PARD3B: variants seen among roughly 807,000 people sequenced by gnomAD.
PARD3B encodes the protein par-3 family cell polarity regulator beta, also known as partitioning defective 3 homolog B.
PARD3B carries 103 observed loss-of-function variants against 130.2 expected under a neutral mutation model. The observed-to-expected ratio is 0.79, with a 90% CI of 0.67 to 0.93. PARD3B has a LOEUF of 0.93. Among genes scored for constraint, PARD3B ranks in the 40% least tolerant of loss-of-function variants. PARD3B has a pLI of 0.00. For missense variants in PARD3B, 1,609 were observed against 1,499.2 expected (o/e 1.07, Z -1.21); for synonymous variants, 583 against 553.2 (o/e 1.05, Z -0.76).
chr2:204,757,360 C>T (rs1428763582), intron 2 of PARD3B, among the ~76,000 whole-genome samples: 1 of 152,178 alleles, frequency 6.6e-6, no homozygotes, highest in East Asian at 1.9e-4. Context: ...AGGGACTAAC[C>T]TCATTTGCAT....
intron 4 of PARD3B, among the ~76,000 whole-genome samples, chr2:205,055,276 A>G (rs1430630295): frequency 1.3e-5 from 2 of 152,204 alleles, no homozygotes; most frequent in East Asian, 3.8e-4. Flanking sequence ...ACATCTAAAG[A>G]TTTCTCCTTC....
intron 1 of PARD3B, among the ~76,000 whole-genome samples, chr2:204,667,456 C>G (rs902576460): frequency 2.6e-5 from 4 of 152,094 alleles, no homozygotes; most frequent in African/African-American, 9.7e-5. Context: ...CTAGGTCTGA[C>G]CTCTCTTCTG....
rs189821618 is a variant in PARD3B at position 204,678,985 on chromosome 2, C to T, written c.121-7196C>T. Among the ~76,000 whole-genome samples, 11 of 152,264 alleles carry T rather than the reference C, an allele frequency of 7.2e-5. No homozygotes were observed. The East Asian group carries it at 7.7e-4, about 11-fold the overall frequency. On this transcript the variant is annotated intron_variant, in intron 1 of 22. Coordinates refer to ENST00000406610, the MANE Select transcript of PARD3B (RefSeq NM_001302769.2). The surrounding 1 kb of genome is among the most constrained non-coding windows in gnomAD (Gnocchi z 4.2). ...CCCCCTCACAAGGAGTAACCAGTCT[C>T]GTGACTTCTACATTGTGAATTAATT...
intron 16 of PARD3B, among the ~76,000 whole-genome samples, chr2:205,289,865 CAG>C (rs2041537914): frequency 8.0e-6 from 1 of 124,858 alleles, no homozygotes; most frequent in African/African-American, 2.9e-5. Flanking sequence ...TGGGACTCTG[CAG>C]AGAGTCCCCA....
intron 18 of PARD3B, among the ~76,000 whole-genome samples, chr2:205,345,534 G>A (rs1470071911): frequency 1.3e-5 from 2 of 151,880 alleles, no homozygotes; most frequent in Non-Finnish European, 2.9e-5. Flanking sequence ...CATATTTTGA[G>A]GTAGCATGTC....
At chr2:205,111,639 A>G (rs1329635708) in intron 5 of PARD3B, among the ~76,000 whole-genome samples, 1 of 152,140 alleles carries the variant, frequency 6.6e-6, no homozygotes, top group African/African-American at 2.4e-5. Context: ...CTGAAAAGTT[A>G]AAGTCTGTAA....
chr2:204,972,439 A>G (rs959922214), intron 3 of PARD3B, among the ~76,000 whole-genome samples: 2 of 152,070 alleles, frequency 1.3e-5, no homozygotes, highest in African/African-American at 2.4e-5. Context: ...TTTGTTTTAT[A>G]TTCAGTTAAC....
rs1306147787 is a variant in PARD3B, at chr2:204,943,117, A to G, written c.223-22035A>G. Among the ~76,000 whole-genome samples, 1 of 151,580 alleles carries G rather than the reference A, an allele frequency of 6.6e-6. No individual in the cohort carries two copies. Among genetic ancestry groups the G allele is most frequent in the Non-Finnish European group, 1.5e-5 (1 of 67,990 alleles). On this transcript the variant is annotated intron_variant, in intron 2 of 22. Transcript: ENST00000406610. This position sits in a 1 kb window ranked among gnomAD's most constrained non-coding sequence, Gnocchi z 4.2. ...ACACCTCTTTTTAAAATTACCCCTG[A>G]CTTAAGAAAGAAGTTTTTCACATTC...
intron 15 of PARD3B, among the ~76,000 whole-genome samples, chr2:205,218,751 G>GAA (rs1390699718): frequency 1.2e-4 from 18 of 152,060 alleles, no homozygotes; most frequent in Admixed American, 1.0e-3. Flanking sequence ...GATGTCCAAA[G>GAA]AAATCTCTGG....
At chr2:204,680,015 G>A (rs2036749964) in intron 1 of PARD3B, among the ~76,000 whole-genome samples, 1 of 151,840 alleles carries the variant, frequency 6.6e-6, no homozygotes, top group African/African-American at 2.4e-5. Context: ...GAGAGACTGG[G>A]ATATTATTTT....
In PARD3B at chr2:205,119,309, C is replaced by T. The variant is rs541120053; in HGVS notation, c.806+263C>T. ...CTGTCTTTACTGGGGCGTCGTTGAACGGGTTTGTTTTTCTTGGGCTATGGG... is the reference window on the plus strand; with the variant it reads ...CTGTCTTTACTGGGGCGTCGTTGAATGGGTTTGTTTTTCTTGGGCTATGGG... On this transcript the variant is annotated intron_variant, in intron 7 of 22. Transcript: ENST00000406610. Among the ~76,000 whole-genome samples, 9 of 152,162 alleles carry T rather than the reference C, an allele frequency of 5.9e-5. No individual in the cohort carries two copies. The East Asian group carries it at 9.7e-4, about 16-fold the overall frequency.
intron 19 of PARD3B, among the ~76,000 whole-genome samples, chr2:205,418,784 G>A (rs2046867155): frequency 6.6e-6 from 1 of 152,064 alleles, no homozygotes; most frequent in Non-Finnish European, 1.5e-5. Context: ...CAAGCAATCA[G>A]GGTGTTTTCC....
At chr2:205,454,118 A>T (rs1286493801) in intron 20 of PARD3B, among the ~76,000 whole-genome samples, 1 of 152,134 alleles carries the variant, frequency 6.6e-6, no homozygotes, top group Non-Finnish European at 1.5e-5. Context: ...TTGGGCTTTG[A>T]CCTACTTCTC....
At chr2:205,208,865 A>T (rs202002437) in intron 15 of PARD3B, among the ~76,000 whole-genome samples, 1 of 141,922 alleles carries the variant, frequency 7.0e-6, no homozygotes, top group Non-Finnish European at 1.5e-5. Flanking sequence ...ATTGGAAAAA[A>T]CTACTTTAAA....
At chr2:204,795,106 C>T (rs2042324955) in intron 2 of PARD3B, among the ~76,000 whole-genome samples, 1 of 152,054 alleles carries the variant, frequency 6.6e-6, no homozygotes, top group Non-Finnish European at 1.5e-5. Context: ...TATATTTTGT[C>T]TTGCTGGTTA....
At chr2:205,035,827 ATC>A (rs1286961768) in intron 3 of PARD3B, among the ~76,000 whole-genome samples, 11,350 of 26,476 alleles carry the variant, frequency 0.43, 1,678 homozygotes, top group South Asian at 0.46. Context: ...ATATCTATAT[ATC>A]TATATATATA....
At chr2:205,193,117 G>A (rs779993684) in intron 14 of PARD3B, 88 bp from the exon 15 acceptor site, 21 of 848,492 alleles carry the variant, frequency 2.5e-5, no homozygotes, top group Non-Finnish European at 3.9e-5. Flanking sequence ...AGAGTGATGA[G>A]TGGCTGTGTT....
chr2:204,837,462 C>G (rs1292193928), intron 2 of PARD3B, among the ~76,000 whole-genome samples: 1 of 150,556 alleles, frequency 6.6e-6, no homozygotes, highest in African/African-American at 2.5e-5. Context: ...ACTCTGTTGC[C>G]CAGGCTGGAG....
chr2:204,686,031 CA>C, intron 1 of PARD3B, 149 bp from the exon 2 acceptor site: 1 of 572,426 alleles, frequency 1.7e-6, no homozygotes, highest in Non-Finnish European at 3.1e-6. Flanking sequence ...TATTTTTTTC[CA>C]AATAAATAGA....
Sources: gnomAD v4.1 joint callset for allele counts (sites outside exome capture counted in the v4.1 genomes callset) on GRCh38, gnomAD v4.1.1 for gene constraint, Gnocchi (gnomAD v3.1) non-coding constraint, MANE v1.5 for transcripts, NCBI Gene and HGNC (gene_info 2026-07-23, HGNC 2026-07-21) for gene names.